Variants in KCNT2 observed in about 807,000 individuals in gnomAD.
The protein encoded by KCNT2 is potassium channel subfamily T member 2.
KCNT2 carries 67 observed loss-of-function variants against 153.8 expected under a neutral mutation model. The ratio of observed to expected loss-of-function variants is 0.44; its 90% confidence interval spans 0.36 to 0.53. The LOEUF is 0.53. Among genes scored for constraint, KCNT2 ranks in the 20% least tolerant of loss-of-function variants. The probability of loss-of-function intolerance (pLI) is 0.00; values close to 1 mark genes in which losing one functional copy is unlikely to be tolerated. For missense variants in KCNT2, 975 were observed against 1,354.8 expected (o/e 0.72, Z 4.40); for synonymous variants, 500 against 458.8 (o/e 1.09, Z -1.15).
chr1:196,542,436 A>G (rs1424057638), intron 1 of KCNT2, among the ~76,000 whole-genome samples: 1 of 152,152 alleles, frequency 6.6e-6, no homozygotes, highest in Admixed American at 6.5e-5. Context: ...TGAATTTCCA[A>G]AAGATAGCTT....
chr1:196,441,307 T>C (rs913685055), intron 8 of KCNT2, among the ~76,000 whole-genome samples: 1 of 151,468 alleles, frequency 6.6e-6, no homozygotes, highest in African/African-American at 2.4e-5. Context: ...TCATTTCAGA[T>C]TACCCTTAAA....
In KCNT2 at chr1:196,243,597, A is replaced by G. The variant is rs560868640; in HGVS notation, c.3212-7527T>C. 1.2e-4 allele frequency among the ~76,000 whole-genome samples: 18 copies of G among 152,258 alleles called. No homozygotes were observed. In the East Asian group the frequency reaches 3.3e-3, roughly 28 times the overall value. The stretch of plus-strand genomic sequence containing the variant: ...CTCAATGCTGCCCTGGAACAGTGGT[A>G]AGCAACACTGGGCAGAACTCAGCCA... On this transcript the variant is annotated intron_variant, in intron 26 of 27. Coordinates refer to ENST00000294725, the MANE Select transcript of KCNT2 (RefSeq NM_198503.5).
chr1:196,385,253 T>C (rs886096072), intron 13 of KCNT2, among the ~76,000 whole-genome samples: 2 of 152,098 alleles, frequency 1.3e-5, no homozygotes, highest in Non-Finnish European at 2.9e-5. Context: ...ATAAAATCAG[T>C]TTGACATTCC....
At chr1:196,339,893 A>G (rs1250423059) in intron 16 of KCNT2, among the ~76,000 whole-genome samples, 1 of 151,896 alleles carries the variant, frequency 6.6e-6, no homozygotes, top group African/African-American at 2.4e-5. Flanking sequence ...AATGAAGAAT[A>G]TTTGAAATAG....
intron 13 of KCNT2, among the ~76,000 whole-genome samples, chr1:196,393,214 T>A (rs1670636078): frequency 6.6e-6 from 1 of 151,398 alleles, no homozygotes; most frequent in African/African-American, 2.4e-5. Context: ...TGAGTGAAAA[T>A]TTGCCAATTC....
chr1:196,275,524 C>A (rs545463987), intron 25 of KCNT2, among the ~76,000 whole-genome samples: 3 of 151,896 alleles, frequency 2.0e-5, no homozygotes, highest in East Asian at 3.9e-4. Context: ...TCTTTACCAA[C>A]GTTTGTCTTT....
intron 1 of KCNT2, among the ~76,000 whole-genome samples, chr1:196,552,040 C>T (rs1046665478): frequency 1.3e-5 from 2 of 151,448 alleles, no homozygotes; most frequent in African/African-American, 2.4e-5. Flanking sequence ...ATATAGTGAA[C>T]CTCAAACTCT....
chr1:196,542,992 A>T (rs1455312112), intron 1 of KCNT2, among the ~76,000 whole-genome samples: 2 of 152,152 alleles, frequency 1.3e-5, no homozygotes, highest in African/African-American at 4.8e-5. Context: ...AACATTAAGG[A>T]ATAAAACACG....
chr1:196,351,690 C>G (rs1046187422), intron 14 of KCNT2, among the ~76,000 whole-genome samples: 9 of 152,084 alleles, frequency 5.9e-5, no homozygotes, highest in African/African-American at 2.2e-4. Context: ...ATTGAATACC[C>G]TTTATTTCCT....
chr1:196,463,646 C>T (rs796881809), intron 8 of KCNT2, among the ~76,000 whole-genome samples: 1 of 151,452 alleles, frequency 6.6e-6, no homozygotes, highest in East Asian at 1.9e-4. Flanking sequence ...ACTATTATAC[C>T]AAATAAAACA....
At chr1:196,602,991 T>G (rs1369781479) in intron 1 of KCNT2, among the ~76,000 whole-genome samples, 16 of 151,498 alleles carry the variant, frequency 1.1e-4, no homozygotes, top group Non-Finnish European at 1.9e-4. Context: ...TTTCACCTTG[T>G]TAGCCAGGAT....
At position 196,601,302 on chromosome 1, in the gene KCNT2, T is replaced by C. The variant is rs190436688; in HGVS notation, c.95+6913A>G. On this transcript the variant is annotated intron_variant, in intron 1 of 27. Transcript: ENST00000294725. ...ACTAGGCTCATCTTCAATCATGCTC[T>C]CTCATAACATTGTGCCATTCTCCTT... 3.2e-4 allele frequency among the ~76,000 whole-genome samples: 49 copies of C among 152,356 alleles called. No individual in the cohort carries two copies. The East Asian group carries it at 5.8e-3, about 18-fold the overall frequency.
chr1:196,507,884 A>T (rs1339948), intron 1 of KCNT2, among the ~76,000 whole-genome samples: 149,342 of 151,904 alleles, frequency 0.98, 73,459 homozygotes, highest in Middle Eastern at 1. Context: ...GACTATTTTG[A>T]GGAATTTGAT....
At chr1:196,290,028 C>T (rs1453178328) in intron 22 of KCNT2, among the ~76,000 whole-genome samples, 1 of 151,546 alleles carries the variant, frequency 6.6e-6, no homozygotes, top group African/African-American at 2.4e-5. Flanking sequence ...AATCTGTGTC[C>T]ATCAATACCA....
chr1:196,543,719 G>A (rs1415551977), intron 1 of KCNT2, among the ~76,000 whole-genome samples: 1 of 151,912 alleles, frequency 6.6e-6, no homozygotes, highest in Non-Finnish European at 1.5e-5. Flanking sequence ...TTATCAGATG[G>A]CCAAAATAAA....
chr1:196,282,241 A>G (rs770786024), intron 24 of KCNT2, 32 bp downstream of exon 24: 3 of 1,207,056 alleles, frequency 2.5e-6, no homozygotes, highest in East Asian at 2.3e-5. Flanking sequence ...TTCTATCACA[A>G]CTATCTTTTA....
At chr1:196,486,914 T>C in intron 3 of KCNT2, among the ~76,000 whole-genome samples, 1 of 151,908 alleles carries the variant, frequency 6.6e-6, no homozygotes, top group Non-Finnish European at 1.5e-5. Flanking sequence ...CATATGAGTC[T>C]TGCCAATATG....
intron 12 of KCNT2, among the ~76,000 whole-genome samples, chr1:196,402,829 C>G (rs1671531426): frequency 6.6e-6 from 1 of 151,534 alleles, no homozygotes; most frequent in African/African-American, 2.4e-5. Flanking sequence ...ATAGTTAACT[C>G]ATGTCATTAG....
chr1:196,466,165 T>C (rs1021908679), intron 7 of KCNT2, among the ~76,000 whole-genome samples: 1 of 152,136 alleles, frequency 6.6e-6, no homozygotes, highest in Non-Finnish European at 1.5e-5. Flanking sequence ...AATATTTGTT[T>C]AATGTATCCT....
Sources: allele counts gnomAD v4.1 joint callset (sites outside exome capture counted in the v4.1 genomes callset), GRCh38; gene constraint gnomAD v4.1.1; transcripts MANE v1.5; gene names NCBI Gene and HGNC (gene_info 2026-07-23, HGNC 2026-07-21).